Variants in TMEM132C observed in about 807,000 individuals in gnomAD.
TMEM132C encodes the protein protein phosphatase 1, regulatory subunit 152.
A neutral mutation model predicts 61.4 loss-of-function variants in TMEM132C; 29 were observed. The ratio of observed to expected loss-of-function variants is 0.47; its 90% CI spans 0.35 to 0.64. The LOEUF (loss-of-function observed/expected upper bound fraction) is 0.64. TMEM132C is among the 30% of genes least tolerant of loss of function. The pLI is 0.00. For missense variants in TMEM132C, 1,408 were observed against 1,476.9 expected, an observed-to-expected ratio of 0.95 and a Z score of 0.76; for synonymous variants, 656 against 633.1, an observed-to-expected ratio of 1.04 and a Z score of -0.54.
intron 3 of TMEM132C, among the ~76,000 whole-genome samples, chr12:128,572,968 A>G (rs2136173370): frequency 6.6e-6 from 1 of 152,376 alleles, no homozygotes; most frequent in East Asian, 1.9e-4. Context: ...GCTGGAGAGG[A>G]TGTGGAGAAA....
chr12:128,296,615 C>T (rs1593001582), intron 1 of TMEM132C, among the ~76,000 whole-genome samples: 1 of 152,292 alleles, frequency 6.6e-6, no homozygotes, highest in Non-Finnish European at 1.5e-5. Flanking sequence ...ATTCTGTAGC[C>T]AGTCACTAGA....
intron 2 of TMEM132C, among the ~76,000 whole-genome samples, chr12:128,484,213 G>A (rs1214867079): frequency 6.6e-6 from 1 of 152,188 alleles, no homozygotes; most frequent in Non-Finnish European, 1.5e-5. Flanking sequence ...AGACACTAAG[G>A]GGACGACATT....
Position 128,544,188 on chromosome 12 carries a change from C to T in TMEM132C, c.1121+85C>T, listed in dbSNP as rs368351909. ...GTGCGTAAGAGCCTTGACTTGGACT[C>T]GCGTGAGCGGCTGCTCAGAGGAGCT... On this transcript the variant is annotated intron_variant, in intron 3 of 8. Transcript: ENST00000435159. 2.3e-5 allele frequency: 33 copies of T among 1,425,312 alleles called. No homozygotes were observed. In the African/African-American group the frequency reaches 3.0e-4, roughly 13 times the overall value. 88.3% of individuals were successfully genotyped at this position (1,425,312 alleles called of 1,614,324 possible).
chr12:128,340,839 C>G (rs1057198372), intron 1 of TMEM132C, among the ~76,000 whole-genome samples: 2 of 127,536 alleles, frequency 1.6e-5, no homozygotes, highest in Non-Finnish European at 3.0e-5. Context: ...TTCTCTCTCT[C>G]TCTTTCTCTC....
chr12:128,376,287 G>A (rs1874190663), intron 1 of TMEM132C, among the ~76,000 whole-genome samples: 1 of 152,164 alleles, frequency 6.6e-6, no homozygotes, highest in South Asian at 2.1e-4. Flanking sequence ...ATTTATGAAG[G>A]TCTCAGGGTC....
At position 128,570,716 on chromosome 12, in the gene TMEM132C, G is replaced by A. The variant is rs905006097; in HGVS notation, c.1121+26613G>A. Among the ~76,000 whole-genome samples the A allele has an allele frequency of 1.3e-5, 2 of 152,200 alleles. No homozygotes were observed. Among genetic ancestry groups the A allele is most frequent in the African/African-American group, 4.8e-5 (2 of 41,438 alleles). On this transcript the variant is annotated intron_variant, in intron 3 of 8. Transcript: ENST00000435159. The surrounding 1 kb of genome is among the most constrained non-coding windows in gnomAD (Gnocchi z 4.7). ...TCACAGGATGACAGCTATACCCACA[G>A]GCATCTTATTGTGTTCCAGGTAGAG...
intron 1 of TMEM132C, among the ~76,000 whole-genome samples, chr12:128,301,893 A>C (rs140504146): frequency 6.6e-6 from 1 of 152,238 alleles, no homozygotes; most frequent in African/African-American, 2.4e-5. Flanking sequence ...CAAAAGGCAC[A>C]TCTTACATGG....
chr12:128,426,696 T>C (rs1265899447), intron 2 of TMEM132C, among the ~76,000 whole-genome samples: 2 of 152,158 alleles, frequency 1.3e-5, no homozygotes, highest in African/African-American at 4.8e-5. Context: ...CTACATCCCC[T>C]GTCCCCCTCC....
intron 3 of TMEM132C, among the ~76,000 whole-genome samples, chr12:128,561,183 A>AT (rs1199735807): frequency 6.6e-6 from 1 of 152,242 alleles, no homozygotes; most frequent in Non-Finnish European, 1.5e-5. Flanking sequence ...CAAAGTTTTT[A>AT]TGTCAATGTT....
rs139594840 is a variant in TMEM132C at position 128,614,185 on chromosome 12, G to A, written c.1122-1967G>A. Among the ~76,000 whole-genome samples, 601 of 152,284 alleles carry A rather than the reference G, an allele frequency of 3.9e-3. 7 individuals carry two copies. The highest frequency in any genetic ancestry group is 0.014 in the African/African-American group (568 of 41,558). ...TTGATCAACAGCTCTACAAAGCTCG[G>A]CCAACTTCCCCTTCTCTGACCTTCT... On this transcript the variant is annotated intron_variant, in intron 3 of 8. Coordinates refer to ENST00000435159, the MANE Select transcript of TMEM132C (RefSeq NM_001136103.3).
In TMEM132C at chr12:128,385,829, C is replaced by T. The variant is rs565810402; in HGVS notation, c.86-28903C>T. On this transcript the variant is annotated intron_variant, in intron 1 of 8. Transcript: ENST00000435159. ...CATTTGATCTGCGGCTCTGATTTGC[C>T]GCAGCCGCAAGTGAGAGTCATACAC... Among the ~76,000 whole-genome samples the T allele has an allele frequency of 1.1e-3, 168 of 152,256 alleles. 1 individual carries two copies. The highest frequency in any genetic ancestry group is 1.3e-3 in the African/African-American group (54 of 41,536).
At chr12:128,524,635 G>A (rs1415251594) in intron 2 of TMEM132C, among the ~76,000 whole-genome samples, 3 of 152,086 alleles carry the variant, frequency 2.0e-5, no homozygotes, top group South Asian at 2.1e-4. Context: ...AAATTCCACC[G>A]TGAGAAGCTT....
chr12:128,345,500 T>TG (rs1873130839), intron 1 of TMEM132C, among the ~76,000 whole-genome samples: 2 of 152,230 alleles, frequency 1.3e-5, no homozygotes, highest in Non-Finnish European at 2.9e-5. Flanking sequence ...CCACAATGAT[T>TG]GAACTATTAG....
intron 2 of TMEM132C, among the ~76,000 whole-genome samples, chr12:128,507,745 C>T (rs892088279): frequency 3.3e-5 from 5 of 152,184 alleles, no homozygotes; most frequent in African/African-American, 9.7e-5. Flanking sequence ...AGCAAACTCT[C>T]CCAGAAGCAT....
At chr12:128,634,939 A>T (rs774154661) in intron 4 of TMEM132C, among the ~76,000 whole-genome samples, 2 of 152,246 alleles carry the variant, frequency 1.3e-5, no homozygotes, top group African/African-American at 4.8e-5. Flanking sequence ...GGAAATGAGT[A>T]TATGAGCAGT....
chr12:128,402,355 C>T (rs1051521558), intron 1 of TMEM132C, among the ~76,000 whole-genome samples: 8 of 152,094 alleles, frequency 5.3e-5, no homozygotes, highest in African/African-American at 1.9e-4. Flanking sequence ...GTATTAAGCC[C>T]AGTATCCATT....
intron 3 of TMEM132C, among the ~76,000 whole-genome samples, chr12:128,564,703 T>C (rs772147776): frequency 9.2e-5 from 14 of 152,240 alleles, no homozygotes; most frequent in Admixed American, 2.6e-4. Context: ...TGGGCCTCAG[T>C]TTCCTTATCT....
intron 5 of TMEM132C, among the ~76,000 whole-genome samples, chr12:128,688,399 T>C (rs1009917819): frequency 6.6e-6 from 1 of 152,002 alleles, no homozygotes; most frequent in African/African-American, 2.4e-5. Flanking sequence ...CTGCTGTCCA[T>C]AGCTCTAGAA....
chr12:128,588,583 G>A (rs1185153471), intron 3 of TMEM132C, among the ~76,000 whole-genome samples: 1 of 152,100 alleles, frequency 6.6e-6, no homozygotes, highest in Non-Finnish European at 1.5e-5. Flanking sequence ...TGGACTGAGT[G>A]TTTGTGTCCC....
Sources: gnomAD v4.1 joint callset for allele counts (sites outside exome capture counted in the v4.1 genomes callset) on GRCh38, gnomAD v4.1.1 for gene constraint, Gnocchi (gnomAD v3.1) non-coding constraint, MANE v1.5 for transcripts, NCBI Gene and HGNC (gene_info 2026-07-23, HGNC 2026-07-21) for gene names.